Variants in AGBL4 observed in about 807,000 individuals in gnomAD.
AGBL4 encodes AGBL carboxypeptidase 4.
Under a neutral mutation model 66.4 loss-of-function variants are expected in AGBL4, and 58 were observed. That is an observed-to-expected ratio of 0.87 (90% confidence interval 0.71 to 1.09). The LOEUF is 1.09. AGBL4 is among the 50% of genes least tolerant of loss of function. AGBL4 has a pLI of 0.00. For missense variants in AGBL4, 579 were observed against 631.0 expected (o/e 0.92, Z 0.88); for synonymous variants, 234 against 222.9 (o/e 1.05, Z -0.44).
chr1:48,911,952 T>G (rs1469613314), intron 5 of AGBL4, among the ~76,000 whole-genome samples: 1 of 152,204 alleles, frequency 6.6e-6, no homozygotes, highest in Non-Finnish European at 1.5e-5. Flanking sequence ...AATTGCATCT[T>G]CTGTTATAAA....
At chr1:49,235,227 A>C (rs1650633616) in intron 4 of AGBL4, among the ~76,000 whole-genome samples, 1 of 152,116 alleles carries the variant, frequency 6.6e-6, no homozygotes, top group Admixed American at 6.6e-5. Context: ...ACGCCCCACA[A>C]ATACTAGGTT....
chr1:48,810,953 G>A (rs1646035038), intron 6 of AGBL4, among the ~76,000 whole-genome samples: 1 of 152,214 alleles, frequency 6.6e-6, no homozygotes, highest in Non-Finnish European at 1.5e-5. Context: ...TGCTTGTCCA[G>A]TGTCTACATA....
intron 6 of AGBL4, among the ~76,000 whole-genome samples, chr1:48,788,476 T>C (rs780193603): frequency 9.2e-5 from 14 of 152,220 alleles, no homozygotes; most frequent in Non-Finnish European, 1.5e-4. Flanking sequence ...GTCTGTACTT[T>C]TATAAATTGT....
At chr1:48,620,424 G>A (rs150613188) in intron 9 of AGBL4, among the ~76,000 whole-genome samples, 6 of 152,146 alleles carry the variant, frequency 3.9e-5, no homozygotes, top group East Asian at 3.9e-4. Flanking sequence ...CTACAGGTGC[G>A]CACCATCATG....
At chr1:49,161,826 C>T (rs1368771239) in intron 4 of AGBL4, among the ~76,000 whole-genome samples, 3 of 152,250 alleles carry the variant, frequency 2.0e-5, no homozygotes, top group East Asian at 3.9e-4. Context: ...ATATTACTCC[C>T]TGCTCAGAGC....
At chr1:49,883,285 A>C (rs182210425) in intron 1 of AGBL4, among the ~76,000 whole-genome samples, 19 of 152,142 alleles carry the variant, frequency 1.2e-4, no homozygotes, top group Non-Finnish European at 1.5e-5. Context: ...TTGCCTGGAT[A>C]TATGCATATT....
At chr1:49,466,799 A>C (rs181668027) in intron 3 of AGBL4, among the ~76,000 whole-genome samples, 1 of 151,948 alleles carries the variant, frequency 6.6e-6, no homozygotes, top group Admixed American at 6.6e-5. Flanking sequence ...ACTTCTGACT[A>C]AATCTGTAAT....
intron 11 of AGBL4, among the ~76,000 whole-genome samples, chr1:48,540,204 G>A (rs1178002964): frequency 1.3e-5 from 2 of 152,156 alleles, no homozygotes; most frequent in African/African-American, 4.8e-5. Flanking sequence ...ATCCACTTTA[G>A]TAACCTCAGG....
intron 3 of AGBL4, among the ~76,000 whole-genome samples, chr1:49,568,295 G>A (rs1571065189): frequency 1.3e-5 from 2 of 151,968 alleles, no homozygotes; most frequent in Admixed American, 1.3e-4. Flanking sequence ...GAAGTCTCAG[G>A]ATACAAAATT....
At chr1:49,761,785 A>G (rs1026636390) in intron 2 of AGBL4, among the ~76,000 whole-genome samples, 5 of 152,184 alleles carry the variant, frequency 3.3e-5, no homozygotes, top group African/African-American at 1.2e-4. Flanking sequence ...ATATTGTGAA[A>G]TACTAGAGCT....
chr1:49,654,667 T>G (rs532957238), intron 3 of AGBL4, among the ~76,000 whole-genome samples: 1 of 152,314 alleles, frequency 6.6e-6, no homozygotes, highest in South Asian at 2.1e-4. Flanking sequence ...GATCGCTTTA[T>G]CATTATATAA....
At chr1:48,568,530 C>T (rs1165011254) in intron 11 of AGBL4, among the ~76,000 whole-genome samples, 4 of 152,200 alleles carry the variant, frequency 2.6e-5, no homozygotes, top group African/African-American at 9.7e-5. Flanking sequence ...CACACAGGCA[C>T]ATGGAAGGCC....
intron 2 of AGBL4, among the ~76,000 whole-genome samples, chr1:49,847,702 CTTG>C (rs747454358): frequency 3.3e-5 from 5 of 151,148 alleles, no homozygotes; most frequent in African/African-American, 9.7e-5. Flanking sequence ...GGCAAATAAA[CTTG>C]TTTTTTTTTT....
intron 3 of AGBL4, among the ~76,000 whole-genome samples, chr1:49,258,460 A>C (rs1431344349): frequency 6.6e-6 from 1 of 152,190 alleles, no homozygotes; most frequent in Non-Finnish European, 1.5e-5. Flanking sequence ...GAAGTGCTTA[A>C]AGGAGCTGAT....
chr1:48,964,508 T>G (rs1438881363), intron 5 of AGBL4, among the ~76,000 whole-genome samples: 1 of 152,244 alleles, frequency 6.6e-6, no homozygotes, highest in African/African-American at 2.4e-5. Flanking sequence ...AAGGGCCCTT[T>G]TTGAATTCTT....
intron 2 of AGBL4, among the ~76,000 whole-genome samples, chr1:49,807,339 G>A (rs1406533058): frequency 6.6e-6 from 1 of 152,210 alleles, no homozygotes; most frequent in Non-Finnish European, 1.5e-5. Context: ...TCCCCTGGAA[G>A]GTCTGGAGGG....
intron 3 of AGBL4, among the ~76,000 whole-genome samples, chr1:49,541,369 C>A (rs1025203775): frequency 6.6e-6 from 1 of 152,116 alleles, no homozygotes; most frequent in Admixed American, 6.5e-5. Context: ...TGCGGGCGGT[C>A]CTTGTGGGCC....
intron 3 of AGBL4, among the ~76,000 whole-genome samples, chr1:49,426,704 C>T (rs1422739905): frequency 6.6e-6 from 1 of 152,096 alleles, no homozygotes. Context: ...GAAGTAGGTA[C>T]TACTACTTAT....
At position 49,977,007 on chromosome 1, in the gene AGBL4, TTTATAA is replaced by T. The variant is rs760403345; in HGVS notation, c.34+46750_34+46755del. Among the ~76,000 whole-genome samples the T allele has an allele frequency of 1.4e-4, 21 of 152,380 alleles. 1 individual carries two copies. The highest frequency in any genetic ancestry group is 8.3e-4 in the South Asian group (4 of 4,828). On this transcript the variant is annotated intron_variant, in intron 1 of 13. Coordinates refer to ENST00000371839, the MANE Select transcript of AGBL4 (RefSeq NM_032785.4). ...ACACATACTTCCCTTTGCCAATATT[TTTATAA>T]TTATAAGTTACCTTTATAATCTTAA...
Sources: gnomAD v4.1 joint callset for allele counts (sites outside exome capture counted in the v4.1 genomes callset) on GRCh38, gnomAD v4.1.1 for gene constraint, MANE v1.5 for transcripts, NCBI Gene and HGNC (gene_info 2026-07-23, HGNC 2026-07-21) for gene names.